The following HERC3 variants were observed in gnomAD, a reference collection of about 807,000 sequenced individuals.
HERC3 encodes the protein HECT and RLD domain containing E3 ubiquitin protein ligase 3.
HERC3 carries 58 observed loss-of-function variants against 129.9 expected under a neutral mutation model. That is an observed-to-expected ratio of 0.45 (90% CI 0.36 to 0.56). The LOEUF (loss-of-function observed/expected upper bound fraction) is 0.56. HERC3 is among the 20% of genes least tolerant of loss of function. The pLI, the probability that HERC3 is intolerant of heterozygous loss-of-function variation, is 0.00. For missense variants in HERC3, 835 were observed against 1,244.2 expected (o/e 0.67, Z 4.95); for synonymous variants, 430 against 451.0 (o/e 0.95, Z 0.59).
At chr4:88,569,229 T>C in the HERC3 span, among the ~76,000 whole-genome samples, 1 of 152,170 alleles carries the variant, frequency 6.6e-6, no homozygotes, top group Non-Finnish European at 1.5e-5. Flanking sequence ...TGTGTTGCTT[T>C]CCACTGTGAT....
In HERC3 at chr4:88,707,361, C is replaced by G. The variant is rs939128196; in HGVS notation, c.*401C>G. 5.0e-6 allele frequency: 1 copy of G among 199,558 alleles called. No individual in the cohort carries two copies. Among genetic ancestry groups the G allele is most frequent in the African/African-American group, 2.4e-5 (1 of 42,186 alleles). 12.4% of individuals were successfully genotyped at this position (199,558 alleles called of 1,614,324 possible). ...GTCCTTCTCTTAACTTCTCATTCCT[C>G]TATAAGAATGATTTAGACTGACCTG... On this transcript the variant is annotated 3_prime_UTR_variant, in exon 26 of 26. Coordinates refer to ENST00000402738, the MANE Select transcript of HERC3 (RefSeq NM_014606.3).
chr4:88,527,667 C>G, the HERC3 span: 1 of 298,942 alleles, frequency 3.3e-6, no homozygotes. Context: ...TCATGCCGGG[C>G]AATGTGCTTG....
the HERC3 span, among the ~76,000 whole-genome samples, chr4:88,542,533 TC>T: frequency 1.3e-5 from 2 of 152,198 alleles, no homozygotes; most frequent in African/African-American, 4.8e-5. Flanking sequence ...TACCATTCCT[TC>T]TGAAACTATT....
intron 23 of HERC3, among the ~76,000 whole-genome samples, chr4:88,689,307 C>T (rs890796940): frequency 6.7e-6 from 1 of 149,712 alleles, no homozygotes; most frequent in African/African-American, 2.5e-5. Context: ...AAGTTCAAGA[C>T]CAGCGTGGGC....
the HERC3 span, among the ~76,000 whole-genome samples, chr4:88,575,022 A>T: frequency 5.9e-5 from 9 of 152,202 alleles, no homozygotes; most frequent in African/African-American, 1.9e-4. Flanking sequence ...TAGACTGTTT[A>T]TTTTAAAACT....
the HERC3 span, among the ~76,000 whole-genome samples, chr4:88,581,589 T>G: frequency 2.0e-5 from 3 of 151,892 alleles, no homozygotes; most frequent in African/African-American, 7.3e-5. Context: ...TACAGGTGTG[T>G]GCCAATGTGC....
intron 23 of HERC3, chr4:88,697,732 C>T (rs1486797578): frequency 1.9e-6 from 3 of 1,609,922 alleles, no homozygotes; most frequent in Admixed American, 3.3e-5. Flanking sequence ...CTCCGCAGGC[C>T]CCTGGTTTTC....
chr4:88,568,809 C>T, the HERC3 span, among the ~76,000 whole-genome samples: 1 of 151,948 alleles, frequency 6.6e-6, no homozygotes, highest in African/African-American at 2.4e-5. Context: ...GTGCCCTCTT[C>T]CACTGCAGCT....
chr4:88,639,676 G>A (rs903527851), intron 3 of HERC3, among the ~76,000 whole-genome samples: 2 of 152,162 alleles, frequency 1.3e-5, no homozygotes, highest in African/African-American at 2.4e-5. Context: ...TATAGGCATG[G>A]GCAAGGACTT....
chr4:88,594,207 T>A (rs950344105), intron 1 of HERC3, among the ~76,000 whole-genome samples: 1 of 152,232 alleles, frequency 6.6e-6, no homozygotes, highest in African/African-American at 2.4e-5. Context: ...CCATTCGTTA[T>A]AGCATTTCAT....
the HERC3 span, among the ~76,000 whole-genome samples, chr4:88,565,555 T>C: frequency 6.6e-6 from 1 of 152,188 alleles, no homozygotes; most frequent in Non-Finnish European, 1.5e-5. Flanking sequence ...CTACTCCTAC[T>C]CTTTTTTGGT....
At chr4:88,614,622 G>C (rs1206369522) in intron 3 of HERC3, among the ~76,000 whole-genome samples, 1 of 152,018 alleles carries the variant, frequency 6.6e-6, no homozygotes, top group Non-Finnish European at 1.5e-5. Context: ...AAGCTCTTTT[G>C]AGCACCAAAT....
chr4:88,656,183 A>C (rs1191143127), intron 9 of HERC3, 148 bp downstream of exon 9: 4 of 707,300 alleles, frequency 5.7e-6, no homozygotes, highest in Non-Finnish European at 9.3e-6. Context: ...TTCTGTACTT[A>C]CTATGCATGA....
chr4:88,527,255 CTT>C, the HERC3 span: 34 of 142,764 alleles, frequency 2.4e-4, no homozygotes, highest in Admixed American at 2.1e-4. Flanking sequence ...CTCTTTCTTT[CTT>C]TTTTTTTTTT....
At chr4:88,703,303 CCACAA>C (rs1352412596) in intron 23 of HERC3, among the ~76,000 whole-genome samples, 1 of 152,114 alleles carries the variant, frequency 6.6e-6, no homozygotes, top group African/African-American at 2.4e-5. Context: ...TGAGTCTCTG[CCACAA>C]CACAAGTGAC....
At chr4:88,645,707 G>C (rs1728620335) in intron 3 of HERC3, among the ~76,000 whole-genome samples, 1 of 152,160 alleles carries the variant, frequency 6.6e-6, no homozygotes, top group South Asian at 2.1e-4. Flanking sequence ...GGTAGAGCGG[G>C]ACAGTGAGAG....
intron 23 of HERC3, chr4:88,692,846 G>A: frequency 4.1e-6 from 4 of 971,358 alleles, no homozygotes; most frequent in Non-Finnish European, 4.9e-6. Context: ...CCAGCATATG[G>A]CCTCTCAGGG....
chr4:88,555,513 A>C, the HERC3 span, among the ~76,000 whole-genome samples: 2 of 152,200 alleles, frequency 1.3e-5, no homozygotes, highest in Admixed American at 6.5e-5. Context: ...GTATGCTACA[A>C]GTGAAAATTT....
chr4:88,653,704 T>C (rs1729539122), intron 6 of HERC3, among the ~76,000 whole-genome samples: 1 of 152,158 alleles, frequency 6.6e-6, no homozygotes, highest in Non-Finnish European at 1.5e-5. Context: ...TTTAAACATA[T>C]TTTGAAGATG....
Sources: allele counts gnomAD v4.1 joint callset (sites outside exome capture counted in the v4.1 genomes callset), GRCh38; gene constraint gnomAD v4.1.1; transcripts MANE v1.5; gene names NCBI Gene and HGNC (gene_info 2026-07-23, HGNC 2026-07-21).